GMDS: variants seen among roughly 807,000 people sequenced by gnomAD.
The protein encoded by GMDS is GDP-mannose 4,6 dehydratase.
GMDS carries 20 observed loss-of-function variants against 49.9 expected under a neutral mutation model. That is an observed-to-expected ratio of 0.40 (90% confidence interval 0.28 to 0.58). GMDS has a LOEUF of 0.58. GMDS is among the 20% of genes least tolerant of loss of function. The probability of loss-of-function intolerance (pLI) is 0.42; values close to 1 mark genes in which losing one functional copy is unlikely to be tolerated. For missense variants in GMDS, 362 were observed against 481.4 expected, an observed-to-expected ratio of 0.75 and a Z score of 2.32; for synonymous variants, 177 against 178.6, an observed-to-expected ratio of 0.99 and a Z score of 0.07.
chr6:1,779,708 G>A (rs754646431), intron 7 of GMDS, among the ~76,000 whole-genome samples: 54 of 152,110 alleles, frequency 3.6e-4, no homozygotes, highest in African/African-American at 1.2e-3. Flanking sequence ...TCATGGATGC[G>A]AACCTGTCCC....
At chr6:2,151,073 CA>C (rs1252039960) in intron 1 of GMDS, among the ~76,000 whole-genome samples, 12 of 151,996 alleles carry the variant, frequency 7.9e-5, no homozygotes, top group Non-Finnish European at 1.3e-4. Context: ...TTTATGGGTA[CA>C]AAAAATAGTT....
At chr6:2,147,014 A>G (rs1178897102) in intron 1 of GMDS, among the ~76,000 whole-genome samples, 1 of 152,204 alleles carries the variant, frequency 6.6e-6, no homozygotes, top group Non-Finnish European at 1.5e-5. Flanking sequence ...GAAAGAGGAT[A>G]TTGCTGATAG....
intron 7 of GMDS, among the ~76,000 whole-genome samples, chr6:1,906,601 A>T (rs892765774): frequency 1.3e-5 from 2 of 152,312 alleles, no homozygotes; most frequent in East Asian, 3.9e-4. Flanking sequence ...AGTTTTTCAA[A>T]GAAATTCTCA....
intron 7 of GMDS, among the ~76,000 whole-genome samples, chr6:1,927,135 GC>G: frequency 1.3e-5 from 2 of 151,206 alleles, no homozygotes; most frequent in African/African-American, 2.4e-5. Flanking sequence ...TCAGAGGGTA[GC>G]GTGTTGATGT....
intron 9 of GMDS, among the ~76,000 whole-genome samples, chr6:1,692,790 G>C (rs2113341160): frequency 6.6e-6 from 1 of 152,242 alleles, no homozygotes; most frequent in South Asian, 2.1e-4. Context: ...TTAACATACA[G>C]AATAAGGTTC....
intron 1 of GMDS, among the ~76,000 whole-genome samples, chr6:2,149,110 A>G (rs1006411861): frequency 3.9e-5 from 6 of 152,160 alleles, no homozygotes; most frequent in African/African-American, 1.2e-4. Flanking sequence ...ATAGACGCAC[A>G]TAACATTTCT....
chr6:1,699,289 G>C (rs1187762586), intron 9 of GMDS, among the ~76,000 whole-genome samples: 3 of 152,036 alleles, frequency 2.0e-5, no homozygotes, highest in Non-Finnish European at 4.4e-5. Flanking sequence ...GGAAGATGGG[G>C]GTGGGGAGAA....
At chr6:1,903,593 A>T (rs1338375274) in intron 7 of GMDS, among the ~76,000 whole-genome samples, 3 of 152,036 alleles carry the variant, frequency 2.0e-5, no homozygotes, top group Non-Finnish European at 2.9e-5. Flanking sequence ...AAACAATGAA[A>T]CCTCTTTACT....
intron 4 of GMDS, among the ~76,000 whole-genome samples, chr6:2,059,640 G>A (rs1473560675): frequency 3.1e-5 from 4 of 128,972 alleles, no homozygotes; most frequent in East Asian, 4.8e-4. Context: ...CCCGGGAGGC[G>A]GAGCTTGCAG....
At chr6:2,104,376 G>T (rs1328916317) in intron 4 of GMDS, among the ~76,000 whole-genome samples, 2 of 152,134 alleles carry the variant, frequency 1.3e-5, no homozygotes, top group Admixed American at 6.5e-5. Flanking sequence ...TTATGTTTAA[G>T]TATGAGACAC....
chr6:1,677,691 C>T (rs576720364), intron 9 of GMDS, among the ~76,000 whole-genome samples: 36 of 151,006 alleles, frequency 2.4e-4, no homozygotes, highest in Non-Finnish European at 4.0e-4. Flanking sequence ...CAAACGATCG[C>T]AAGGACAGAA....
chr6:1,843,914 T>C (rs1333096550), intron 7 of GMDS, among the ~76,000 whole-genome samples: 1 of 152,220 alleles, frequency 6.6e-6, no homozygotes, highest in Non-Finnish European at 1.5e-5. Context: ...CCATAGCGTC[T>C]GCATGATCTG....
chr6:1,887,533 TTC>T (rs1370107725), intron 7 of GMDS, among the ~76,000 whole-genome samples: 5 of 152,182 alleles, frequency 3.3e-5, no homozygotes, highest in Non-Finnish European at 5.9e-5. Flanking sequence ...CAGAGTTTTA[TTC>T]TGTTATGAAT....
intron 4 of GMDS, among the ~76,000 whole-genome samples, chr6:2,073,149 G>A (rs1314124704): frequency 6.6e-6 from 1 of 152,174 alleles, no homozygotes; most frequent in Non-Finnish European, 1.5e-5. Context: ...ACCGCTTTGT[G>A]CCGAATGCAC....
At chr6:2,059,125 G>A (rs1309675267) in intron 4 of GMDS, among the ~76,000 whole-genome samples, 4 of 127,586 alleles carry the variant, frequency 3.1e-5, no homozygotes, top group African/African-American at 1.2e-4. Context: ...ATAGTGAGCC[G>A]AGATCACGCC....
chr6:2,020,303 TATATAA>T (rs1768199196), intron 4 of GMDS, among the ~76,000 whole-genome samples: 4 of 151,802 alleles, frequency 2.6e-5, no homozygotes, highest in African/African-American at 9.7e-5. Context: ...ATGTTATGCC[TATATAA>T]ATAAATAAAA....
intron 9 of GMDS, among the ~76,000 whole-genome samples, chr6:1,686,548 T>C (rs1183621304): frequency 6.6e-6 from 1 of 152,232 alleles, no homozygotes; most frequent in African/African-American, 2.4e-5. Flanking sequence ...AGTCACAGTA[T>C]TTGTCTTTGT....
intron 6 of GMDS, among the ~76,000 whole-genome samples, chr6:1,933,871 CT>C (rs2127249017): frequency 6.6e-6 from 1 of 152,188 alleles, no homozygotes; most frequent in East Asian, 1.9e-4. Context: ...GCTTTTTTAT[CT>C]TTTAATTTTG....
intron 1 of GMDS, among the ~76,000 whole-genome samples, chr6:2,170,745 C>T (rs887534701): frequency 6.6e-6 from 1 of 152,112 alleles, no homozygotes; most frequent in Admixed American, 6.5e-5. Context: ...CCTGTAATCC[C>T]AGCACTTTGG....
Sources: allele counts gnomAD v4.1 joint callset (sites outside exome capture counted in the v4.1 genomes callset), GRCh38; gene constraint gnomAD v4.1.1; transcripts MANE v1.5; gene names NCBI Gene and HGNC (gene_info 2026-07-23, HGNC 2026-07-21).